Variants in RHEX observed in about 807,000 individuals in gnomAD.
The protein encoded by RHEX is regulator of hemoglobinization and erythroid cell expansion protein.
In RHEX, 18 loss-of-function variants were observed where a neutral mutation model predicts 20.1. The observed-to-expected ratio is 0.90, with a 90% CI of 0.62 to 1.33. RHEX has a LOEUF of 1.33. Among genes scored for constraint, RHEX ranks in the 40% most tolerant of loss-of-function variants. RHEX has a pLI of 0.00. For missense variants in RHEX, 192 were observed against 214.3 expected (o/e 0.90, Z 0.65); for synonymous variants, 87 against 77.1 (o/e 1.13, Z -0.67).
rs192180905 is a variant in RHEX, at chr1:206,072,877, G to A, written c.-97+19612G>A. On this transcript the variant is annotated intron_variant, in intron 1 of 5. Transcript: ENST00000331555. ...GACAGGGTCTCGCTCTGTCACCTAGGCTGGAGTGCAGTGGTGTGATCACAG... is the reference window on the plus strand; with the variant it reads ...GACAGGGTCTCGCTCTGTCACCTAGACTGGAGTGCAGTGGTGTGATCACAG... 1.9e-3 allele frequency among the ~76,000 whole-genome samples: 277 copies of A among 145,552 alleles called. 1 individual carries two copies. Among genetic ancestry groups the A allele is most frequent in the African/African-American group, 6.6e-3 (255 of 38,348 alleles).
rs933368623 is a variant in RHEX, at chr1:206,057,054, C to G, written c.-97+3789C>G. 5.3e-5 allele frequency among the ~76,000 whole-genome samples: 8 copies of G among 152,352 alleles called. No homozygotes were observed. In the South Asian group the frequency reaches 1.4e-3, roughly 28 times the overall value. ...AACATTAGGCATTGATGGAAAAGGA[C>G]TAGATCCTAGTGTAAGCATCCTAAT... is the stretch of plus-strand genomic sequence containing the variant. On this transcript the variant is annotated intron_variant, in intron 1 of 5. Transcript: ENST00000331555.
chr1:206,080,049 G>A (rs377398943), intron 1 of RHEX, among the ~76,000 whole-genome samples: 16 of 152,316 alleles, frequency 1.1e-4, no homozygotes, highest in African/African-American at 3.8e-4. Context: ...AGGATCATGG[G>A]TTTCATCCTA....
At chr1:206,086,873 G>T (rs1242953621) in intron 1 of RHEX, among the ~76,000 whole-genome samples, 1 of 152,064 alleles carries the variant, frequency 6.6e-6, no homozygotes, top group Non-Finnish European at 1.5e-5. Context: ...CAGGCATGGT[G>T]GTATGCACCT....
intron 2 of RHEX, 39 bp downstream of exon 2, chr1:206,097,878 C>A: frequency 7.0e-7 from 1 of 1,431,890 alleles, no homozygotes; most frequent in Non-Finnish European, 9.9e-7. Context: ...AGGTTCCCAC[C>A]AAGCTAACTG....
chr1:206,085,252 T>C (rs1214207568), intron 1 of RHEX, among the ~76,000 whole-genome samples: 1 of 152,208 alleles, frequency 6.6e-6, no homozygotes, highest in African/African-American at 2.4e-5. Flanking sequence ...GAAATGCTTT[T>C]TCCATCCCTA....
At chr1:206,054,125 T>TA (rs1662135767) in intron 1 of RHEX, among the ~76,000 whole-genome samples, 1 of 118,992 alleles carries the variant, frequency 8.4e-6, no homozygotes. Context: ...ATGGTTATCT[T>TA]CAAAAAAAAA....
chr1:206,101,503 TTGAG>T lies in RHEX; in HGVS notation c.319-247_319-244del, dbSNP rs551247759. On this transcript the variant is annotated intron_variant, in intron 5 of 5. Coordinates refer to ENST00000331555, the MANE Select transcript of RHEX (RefSeq NM_001007544.4). ...GCTCTGAGTCCTGATCTCCCTTGAA[TTGAG>T]TCTCAGCATCTTCCTGTTGCCTCCA... Among the ~76,000 whole-genome samples, 836 of 152,292 alleles carry T rather than the reference TTGAG, an allele frequency of 5.5e-3. 5 individuals are homozygous for T. Among genetic ancestry groups the T allele is most frequent in the South Asian group, 0.016 (77 of 4,818 alleles).
At chr1:206,096,161 T>A (rs75380961) in intron 1 of RHEX, among the ~76,000 whole-genome samples, 319 of 152,292 alleles carry the variant, frequency 2.1e-3, no homozygotes, top group African/African-American at 7.3e-3. Context: ...AACGTGTTGC[T>A]CATTCATATT....
chr1:206,059,499 C>G (rs1662263954), intron 1 of RHEX, among the ~76,000 whole-genome samples: 1 of 152,188 alleles, frequency 6.6e-6, no homozygotes, highest in Admixed American at 6.5e-5. Context: ...GCCACAGTCT[C>G]TGCATTGCAC....
At chr1:206,076,525 G>T (rs1662640254) in intron 1 of RHEX, among the ~76,000 whole-genome samples, 1 of 152,198 alleles carries the variant, frequency 6.6e-6, no homozygotes, top group Non-Finnish European at 1.5e-5. Flanking sequence ...CACGCCCACG[G>T]CAGGGAAGTC....
chr1:206,101,000 C>T, intron 4 of RHEX, 136 bp from the exon 5 acceptor site: 1 of 619,618 alleles, frequency 1.6e-6, no homozygotes, highest in South Asian at 2.3e-5. Flanking sequence ...TCTCTCTTCC[C>T]TACCCCCCCT....
chr1:206,057,986 C>T lies in RHEX; in HGVS notation c.-97+4721C>T, dbSNP rs546685590. 5.9e-5 allele frequency among the ~76,000 whole-genome samples: 9 copies of T among 152,390 alleles called. No homozygotes were observed. In the East Asian group the frequency reaches 1.7e-3, roughly 29 times the overall value. ...AATGCTATCTATCAAAATAGACTAG[C>T]TCTTGATTACTTGCTAGCAGCTGAA... On this transcript the variant is annotated intron_variant, in intron 1 of 5. Transcript: ENST00000331555.
intron 1 of RHEX, among the ~76,000 whole-genome samples, chr1:206,075,082 T>C (rs1172702568): frequency 6.6e-6 from 1 of 152,136 alleles, no homozygotes; most frequent in Non-Finnish European, 1.5e-5. Flanking sequence ...CTGCCAAATA[T>C]CTCTATGGGT....
chr1:206,102,135 G>C lies in RHEX; in HGVS notation c.*183G>C. On this transcript the variant is annotated 3_prime_UTR_variant, in exon 6 of 6. Coordinates refer to ENST00000331555, the MANE Select transcript of RHEX (RefSeq NM_001007544.4). ...GGTCCTCAAGACCCATGGACTCCTG[G>C]TCTGTACCCAAAAAAGCTGTTCGTT... 1 of 627,724 alleles carries C rather than the reference G, an allele frequency of 1.6e-6. No individual in the cohort carries two copies. Among genetic ancestry groups the C allele is most frequent in the South Asian group, 1.9e-5 (1 of 51,726 alleles). The allele number at this position is 627,724 out of a possible 1,614,324, so 38.9% of individuals were successfully genotyped here.
Position 206,101,827 on chromosome 1 carries a change from T to A in RHEX, c.394T>A (p.Tyr132Asn), listed in dbSNP as rs1553288463. The A allele has an allele frequency of 6.2e-7, 1 of 1,613,990 alleles. No homozygotes were observed. The highest frequency in any genetic ancestry group is 2.2e-5 in the East Asian group (1 of 44,890). ...GELKNDSPLD[Y>N]ENIKEITDYV... ...ACTAAAAAATGACTCCCCGCTGGACTATGAGAACATAAAGGAAATCACAGA... is the reference window on the plus strand; with the variant it reads ...ACTAAAAAATGACTCCCCGCTGGACAATGAGAACATAAAGGAAATCACAGA... The change falls in exon 6 of 6, where the codon TAT (tyrosine) becomes AAT (asparagine). Residue 132 changes from tyrosine (Y) to asparagine (N), a missense_variant. Physicochemically the swap from Tyr to Asn is moderately radical, Grantham distance 143 (BLOSUM62 -2). Coordinates refer to ENST00000331555, the MANE Select transcript of RHEX (RefSeq NM_001007544.4).
Position 206,101,818 on chromosome 1 carries a change from C to G in RHEX, c.385C>G (p.Pro129Ala), listed in dbSNP as rs1663194315. The G allele has an allele frequency of 1.2e-6, 2 of 1,613,788 alleles. No homozygotes were observed. Among genetic ancestry groups the G allele is most frequent in the South Asian group, 1.1e-5 (1 of 91,074 alleles). Residue 129 changes from proline to alanine, a missense_variant, in exon 6 of 6, where the codon CCG (proline) becomes GCG (alanine). Pro to Ala is a conservative substitution (Grantham distance 27). Coordinates refer to ENST00000331555, the MANE Select transcript of RHEX (RefSeq NM_001007544.4). ...SDPGELKNDS[P>A]LDYENIKEIT... ...CCCTGGAGAACTAAAAAATGACTCC[C>G]CGCTGGACTATGAGAACATAAAGGA... is the stretch of plus-strand genomic sequence containing the variant.
intron 1 of RHEX, among the ~76,000 whole-genome samples, chr1:206,068,193 G>A (rs1553284344): frequency 6.6e-6 from 1 of 152,166 alleles, no homozygotes; most frequent in African/African-American, 2.4e-5. Context: ...TTTGGACGAC[G>A]TATTATGTGG....
chr1:206,090,497 G>A (rs28450722), intron 1 of RHEX, among the ~76,000 whole-genome samples: 17,293 of 151,806 alleles, frequency 0.11, 1,138 homozygotes, highest in South Asian at 0.19. Context: ...GTGAGCCACC[G>A]CGCCTGGCCC....
chr1:206,086,559 CGG>C (rs1343204583), intron 1 of RHEX, among the ~76,000 whole-genome samples: 1 of 152,120 alleles, frequency 6.6e-6, no homozygotes, highest in African/African-American at 2.4e-5. Context: ...GTCCCCTCCA[CGG>C]GGGATTACAA....
Sources: allele counts gnomAD v4.1 joint callset (sites outside exome capture counted in the v4.1 genomes callset), GRCh38; gene constraint gnomAD v4.1.1; transcripts MANE v1.5; gene names NCBI Gene and HGNC (gene_info 2026-07-23, HGNC 2026-07-21).